Variants in MYH11 observed in about 807,000 individuals in gnomAD.
The protein encoded by MYH11 is myosin-11.
MYH11 carries 80 observed loss-of-function variants against 246.6 expected under a neutral mutation model. The ratio of observed to expected loss-of-function variants is 0.32; its 90% confidence interval spans 0.27 to 0.39. The LOEUF (loss-of-function observed/expected upper bound fraction) is 0.39. MYH11 is among the 10% of genes least tolerant of loss of function. The pLI, the probability that MYH11 is intolerant of heterozygous loss-of-function variation, is 1.00. For missense variants in MYH11, 2,158 were observed against 2,546.8 expected (o/e 0.85, Z 3.29); for synonymous variants, 1,071 against 1,015.5 (o/e 1.05, Z -1.04).
At chr16:15,847,541 G>A (rs916486074) in intron 1 of MYH11, among the ~76,000 whole-genome samples, 10 of 152,132 alleles carry the variant, frequency 6.6e-5, no homozygotes, top group Admixed American at 6.5e-4. Flanking sequence ...GGCATGAGCC[G>A]CTGTGCCCAG....
chr16:15,759,748 G>C lies in MYH11; in HGVS notation c.1249-20C>G. Reference sequence around the variant, plus strand: ...GTCAGCCTGCAGAGGGCAACCAGGGGAACCCGGTTATTCTCAATGGGCTCC... The same window carrying C: ...GTCAGCCTGCAGAGGGCAACCAGGGCAACCCGGTTATTCTCAATGGGCTCC... On this transcript the variant is annotated intron_variant, in intron 11 of 40. Transcript: ENST00000300036. 1 of 1,613,594 alleles carries C rather than the reference G, an allele frequency of 6.2e-7. No homozygotes were observed. The highest frequency in any genetic ancestry group is 1.8e-4 in the Middle Eastern group (1 of 5,654).
intron 9 of MYH11, among the ~76,000 whole-genome samples, chr16:15,770,920 A>G (rs1338790749): frequency 6.6e-6 from 1 of 152,124 alleles, no homozygotes; most frequent in Non-Finnish European, 1.5e-5. Flanking sequence ...GTCGAGAGAG[A>G]TAGAAGACAA....
chr16:15,758,115 T>C (rs1444165501), intron 12 of MYH11, 115 bp from the exon 13 acceptor site: 47 of 1,486,686 alleles, frequency 3.2e-5, no homozygotes, highest in Non-Finnish European at 3.7e-5. Flanking sequence ...CATCCTGTTC[T>C]GCCATCCCAG....
chr16:15,721,395 C>T (rs375021991), intron 32 of MYH11, 27 bp downstream of exon 32: 40 of 1,612,490 alleles, frequency 2.5e-5, no homozygotes, highest in African/African-American at 1.7e-4. Flanking sequence ...GAAACATGGA[C>T]GAGAAAAACC....
At chr16:15,838,874 AAG>A (rs1161154334) in intron 1 of MYH11, among the ~76,000 whole-genome samples, 3,827 of 145,360 alleles carry the variant, frequency 0.026, 186 homozygotes, top group African/African-American at 0.093. Flanking sequence ...AAAAAAAAAA[AAG>A]AAGAAGAAGC....
intron 3 of MYH11, among the ~76,000 whole-genome samples, chr16:15,800,260 A>G (rs2042849197): frequency 6.6e-6 from 1 of 151,726 alleles, no homozygotes; most frequent in Admixed American, 6.6e-5. Context: ...AGGTAAATGG[A>G]CGGGAGGATA....
intron 3 of MYH11, among the ~76,000 whole-genome samples, chr16:15,814,880 G>A (rs952821905): frequency 1.3e-5 from 2 of 152,022 alleles, no homozygotes; most frequent in African/African-American, 4.8e-5. Context: ...CCGTCCTGGG[G>A]GGACACCAGG....
intron 14 of MYH11, among the ~76,000 whole-genome samples, chr16:15,754,413 T>C (rs938334278): frequency 8.5e-5 from 13 of 152,190 alleles, no homozygotes; most frequent in South Asian, 2.1e-4. Context: ...TGAAAGGAAC[T>C]GATAATACAG....
intron 40 of MYH11, 88 bp downstream of exon 40, chr16:15,714,821 G>A: frequency 6.7e-7 from 1 of 1,500,930 alleles, no homozygotes; most frequent in Non-Finnish European, 9.2e-7. Flanking sequence ...TGGGCACAAG[G>A]GGCATTTGCA....
chr16:15,739,626 G>A (rs921276927), intron 23 of MYH11, among the ~76,000 whole-genome samples: 1 of 152,182 alleles, frequency 6.6e-6, no homozygotes, highest in African/African-American at 2.4e-5. Context: ...TACTGACTAC[G>A]GTGACCAGCT....
intron 19 of MYH11, among the ~76,000 whole-genome samples, chr16:15,746,389 TTAAGAA>T: frequency 6.6e-6 from 1 of 152,134 alleles, no homozygotes; most frequent in Middle Eastern, 3.4e-3. Context: ...CAGGAAAACT[TTAAGAA>T]TAAAATTGCC....
At chr16:15,753,601 T>C (rs1360007210) in intron 14 of MYH11, 93 bp from the exon 15 acceptor site, 1 of 942,208 alleles carries the variant, frequency 1.1e-6, no homozygotes, top group Non-Finnish European at 1.7e-6. Context: ...TCCTTCCAGA[T>C]CTTCTGAGGT....
chr16:15,768,842 A>C (rs2042037483), intron 9 of MYH11, among the ~76,000 whole-genome samples: 1 of 152,012 alleles, frequency 6.6e-6, no homozygotes, highest in Non-Finnish European at 1.5e-5. Flanking sequence ...AACAAGTGCC[A>C]AAGTACATTG....
At position 15,750,834 on chromosome 16, in the gene MYH11, C is replaced by G. The variant is rs2041547186; in HGVS notation, c.1865-503G>C. On this transcript the variant is annotated intron_variant, in intron 15 of 40. Coordinates refer to ENST00000300036, the MANE Select transcript of MYH11 (RefSeq NM_002474.3). This position sits in a 1 kb window ranked among gnomAD's most constrained non-coding sequence, Gnocchi z 4.3. The stretch of plus-strand genomic sequence containing the variant: ...CGGCCCCCTCACCCCGCTTATATCA[C>G]AGGGAAGGAGACAGACAGAGATCAC... Among the ~76,000 whole-genome samples the G allele has an allele frequency of 6.6e-6, 1 of 152,026 alleles. No individual in the cohort carries two copies. The highest frequency in any genetic ancestry group is 2.4e-5 in the African/African-American group (1 of 41,348).
At chr16:15,830,028 G>A (rs369437925) in intron 2 of MYH11, among the ~76,000 whole-genome samples, 39 of 152,190 alleles carry the variant, frequency 2.6e-4, no homozygotes, top group African/African-American at 6.0e-4. Context: ...CCAGCTACTC[G>A]GGAAGCTGAG....
At chr16:15,755,973 C>T (rs62029319) in intron 14 of MYH11, among the ~76,000 whole-genome samples, 9,195 of 152,186 alleles carry the variant, frequency 0.06, 315 homozygotes, top group East Asian at 0.17. Flanking sequence ...TGGTGTACAC[C>T]TGTAGTCCCA....
At chr16:15,765,674 G>T (rs566961780) in intron 9 of MYH11, among the ~76,000 whole-genome samples, 1 of 152,184 alleles carries the variant, frequency 6.6e-6, no homozygotes, top group South Asian at 2.1e-4. Flanking sequence ...CTATTCTCAC[G>T]CCATGGGGTC....
At position 15,719,734 on chromosome 16, in the gene MYH11, G is replaced by A. The variant is rs777078617; in HGVS notation, c.4954-21C>T. 6 of 1,613,916 alleles carry A rather than the reference G, an allele frequency of 3.7e-6. No individual in the cohort carries two copies. The Admixed American group carries it at 8.3e-5, about 22-fold the overall frequency. On this transcript the variant is annotated intron_variant, in intron 34 of 40. Transcript: ENST00000300036. The stretch of plus-strand genomic sequence containing the variant: ...TGAGCCTGCATGAGTCAACAGGGAG[G>A]ACAAGCTCAGATGTCCTTACTCCCC...
intron 16 of MYH11, chr16:15,749,772 C>A: frequency 2.6e-6 from 1 of 379,864 alleles, no homozygotes; most frequent in Non-Finnish European, 4.9e-6. Flanking sequence ...AGGACACAAT[C>A]GCCCCAAGCT....
Sources: allele counts gnomAD v4.1 joint callset (sites outside exome capture counted in the v4.1 genomes callset), GRCh38; gene constraint gnomAD v4.1.1; non-coding constraint Gnocchi (gnomAD v3.1); transcripts MANE v1.5; gene names NCBI Gene and HGNC (gene_info 2026-07-23, HGNC 2026-07-21).